Variants in HDAC9 observed in about 807,000 individuals in gnomAD.
The protein encoded by HDAC9 is MEF-2 interacting transcription repressor (MITR) protein.
A neutral mutation model predicts 139.4 loss-of-function variants in HDAC9; 41 were observed. The observed-to-expected ratio is 0.29, with a 90% CI of 0.23 to 0.38. HDAC9 has a LOEUF of 0.38. Among genes scored for constraint, HDAC9 ranks in the 10% least tolerant of loss-of-function variants. The pLI, the probability that HDAC9 is intolerant of heterozygous loss-of-function variation, is 1.00. For synonymous variants in HDAC9, 517 were observed against 476.2 expected (o/e 1.09, Z -1.12); for missense variants, 1,147 against 1,297.0 (o/e 0.88, Z 1.78).
intron 8 of HDAC9, among the ~76,000 whole-genome samples, chr7:18,644,070 C>T (rs1389655436): frequency 6.6e-6 from 1 of 152,072 alleles, no homozygotes; most frequent in Non-Finnish European, 1.5e-5. Flanking sequence ...ATGAAGCCTA[C>T]TGTGGCATAG....
At chr7:18,960,958 T>A (rs1783489779) in intron 24 of HDAC9, among the ~76,000 whole-genome samples, 1 of 152,180 alleles carries the variant, frequency 6.6e-6, no homozygotes, top group Non-Finnish European at 1.5e-5. Flanking sequence ...GCGTTGTTTC[T>A]CCAGATTGCA....
At chr7:18,725,610 G>A (rs950177609) in intron 12 of HDAC9, among the ~76,000 whole-genome samples, 4 of 152,218 alleles carry the variant, frequency 2.6e-5, no homozygotes, top group African/African-American at 7.2e-5. Context: ...TCTTACATGG[G>A]AGCTGAAGAA....
At chr7:18,668,427 TA>T (rs1795420622) in intron 12 of HDAC9, 1 of 942,676 alleles carries the variant, frequency 1.1e-6, no homozygotes, top group Non-Finnish European at 1.3e-6. Flanking sequence ...TTCAATCTCA[TA>T]AAAAAGGGAT....
At chr7:18,242,564 A>G (rs2128190801) in intron 2 of HDAC9, among the ~76,000 whole-genome samples, 1 of 152,316 alleles carries the variant, frequency 6.6e-6, no homozygotes, top group South Asian at 2.1e-4. Flanking sequence ...TATTTATAGC[A>G]TTATAGCATA....
At chr7:18,591,679 A>G in intron 5 of HDAC9, 37 bp downstream of exon 5, 1 of 1,607,558 alleles carries the variant, frequency 6.2e-7, no homozygotes, top group South Asian at 1.1e-5. Context: ...TTCCTGGGGT[A>G]AAGAACACAG....
intron 2 of HDAC9, among the ~76,000 whole-genome samples, chr7:18,498,672 C>T (rs1797590856): frequency 6.6e-6 from 1 of 152,000 alleles, no homozygotes; most frequent in Admixed American, 6.6e-5. Flanking sequence ...GAGCACTGTT[C>T]TAGGAGTCAG....
At chr7:18,392,631 G>A (rs1786640889) in intron 1 of HDAC9, among the ~76,000 whole-genome samples, 1 of 152,026 alleles carries the variant, frequency 6.6e-6, no homozygotes, top group Non-Finnish European at 1.5e-5. Flanking sequence ...GTAAGAGATT[G>A]ACCTCTGTGT....
At chr7:18,660,403 T>C (rs1185179303) in intron 11 of HDAC9, among the ~76,000 whole-genome samples, 1 of 152,188 alleles carries the variant, frequency 6.6e-6, no homozygotes, top group Non-Finnish European at 1.5e-5. Flanking sequence ...GTTATTGCTC[T>C]TTTAGACATT....
intron 1 of HDAC9, among the ~76,000 whole-genome samples, chr7:18,146,057 G>A (rs1786298743): frequency 6.6e-6 from 1 of 152,114 alleles, no homozygotes; most frequent in Admixed American, 6.5e-5. Flanking sequence ...GGAAAAAAAG[G>A]AAACAGAAGA....
intron 1 of HDAC9, among the ~76,000 whole-genome samples, chr7:18,155,303 T>C (rs1787107436): frequency 6.6e-6 from 1 of 152,078 alleles, no homozygotes; most frequent in African/African-American, 2.4e-5. Context: ...AAAATGATCT[T>C]TATGATGTAG....
At chr7:18,877,220 C>T (rs1045466777) in intron 22 of HDAC9, among the ~76,000 whole-genome samples, 1 of 152,082 alleles carries the variant, frequency 6.6e-6, no homozygotes, top group Non-Finnish European at 1.5e-5. Flanking sequence ...TGGGTAGAAG[C>T]TGGGATTACT....
chr7:18,169,648 C>T (rs1788269301), intron 2 of HDAC9, among the ~76,000 whole-genome samples: 1 of 152,016 alleles, frequency 6.6e-6, no homozygotes, highest in Non-Finnish European at 1.5e-5. Context: ...GTGTGATGTT[C>T]CCCGCCCTAT....
chr7:18,647,189 C>T (rs1482408891), intron 9 of HDAC9, among the ~76,000 whole-genome samples: 1 of 152,082 alleles, frequency 6.6e-6, no homozygotes, highest in African/African-American at 2.4e-5. Flanking sequence ...TCCAGTATGC[C>T]TTTAACTTAA....
intron 1 of HDAC9, among the ~76,000 whole-genome samples, chr7:18,438,227 T>G (rs1280708453): frequency 2.6e-5 from 4 of 151,980 alleles, no homozygotes; most frequent in Non-Finnish European, 5.9e-5. Flanking sequence ...AATAAACATA[T>G]GACATATGCT....
chr7:18,891,168 C>G (rs575522839), intron 22 of HDAC9, among the ~76,000 whole-genome samples: 16 of 152,200 alleles, frequency 1.1e-4, no homozygotes, highest in Non-Finnish European at 2.2e-4. Context: ...AAAGATTTCT[C>G]CCCACAGCAC....
rs144791400 is a variant in HDAC9 at position 18,123,141 on chromosome 7, A to C, written c.-97+35928A>C. ...CTTCCTCCAACAGAAAATTACTTTA[A>C]AATGGAAGCTGGTAGGCTATCTTAG... On this transcript the variant is annotated intron_variant, in intron 1 of 12. Coordinates refer to the HDAC9 transcript ENST00000417496. Among the ~76,000 whole-genome samples the C allele has an allele frequency of 5.0e-3, 758 of 152,320 alleles. 6 individuals carry two copies. The highest frequency in any genetic ancestry group is 0.018 in the African/African-American group (734 of 41,586).
At chr7:18,913,848 AT>A (rs1289115541) in intron 22 of HDAC9, among the ~76,000 whole-genome samples, 3 of 152,090 alleles carry the variant, frequency 2.0e-5, no homozygotes, top group African/African-American at 7.2e-5. Context: ...TCTTTCAATA[AT>A]TCTGGTACAG....
At chr7:18,922,083 T>TGGGG (rs527469781) in intron 22 of HDAC9, among the ~76,000 whole-genome samples, 1 of 76,286 alleles carries the variant, frequency 1.3e-5, no homozygotes, top group Non-Finnish European at 2.4e-5. Context: ...TGTTGTGGGG[T>TGGGG]GGGGGGAGGG....
chr7:18,777,535 T>G (rs1212100933), intron 16 of HDAC9, among the ~76,000 whole-genome samples: 1 of 151,892 alleles, frequency 6.6e-6, no homozygotes, highest in Non-Finnish European at 1.5e-5. Flanking sequence ...ATATGCCCAG[T>G]TTCGTGTTGT....
Sources: allele counts gnomAD v4.1 joint callset (sites outside exome capture counted in the v4.1 genomes callset), GRCh38; gene constraint gnomAD v4.1.1; transcripts MANE v1.5; gene names NCBI Gene and HGNC (gene_info 2026-07-23, HGNC 2026-07-21).